Variants in NPAS3 observed in about 807,000 individuals in gnomAD.
The protein encoded by NPAS3 is neuronal PAS domain protein 3, also known as neuronal PAS domain-containing protein 3.
NPAS3 carries 14 observed loss-of-function variants against 73.1 expected under a neutral mutation model. That is an observed-to-expected ratio of 0.19 (90% CI 0.13 to 0.30). The LOEUF is 0.30. NPAS3 is among the 10% of genes least tolerant of loss of function. NPAS3 has a pLI of 1.00. For missense variants in NPAS3, 1,096 were observed against 1,250.0 expected (o/e 0.88, Z 1.86); for synonymous variants, 620 against 541.5 (o/e 1.14, Z -2.01).
At chr14:33,700,431 T>C (rs2060496297) in intron 6 of NPAS3, among the ~76,000 whole-genome samples, 1 of 152,228 alleles carries the variant, frequency 6.6e-6, no homozygotes, top group Admixed American at 6.5e-5. Context: ...GTTCTGTCAG[T>C]TATTAAACAA....
intron 5 of NPAS3, among the ~76,000 whole-genome samples, chr14:33,563,537 C>CACACACACACACACACAGAGAG: frequency 2.4e-4 from 29 of 119,680 alleles, no homozygotes; most frequent in African/African-American, 8.2e-4. Flanking sequence ...CACACACACA[C>CACACACACACACACACAGAGAG]AGAGAGAGAG....
chr14:33,619,595 A>T (rs1444943353), intron 5 of NPAS3, among the ~76,000 whole-genome samples: 1 of 152,228 alleles, frequency 6.6e-6, no homozygotes, highest in Non-Finnish European at 1.5e-5. Context: ...CTGTGTGTAT[A>T]CGTGCACACA....
At chr14:33,493,678 T>G (rs2052020723) in intron 4 of NPAS3, among the ~76,000 whole-genome samples, 1 of 152,132 alleles carries the variant, frequency 6.6e-6, no homozygotes, top group South Asian at 2.1e-4. Context: ...TGCTTCCCTG[T>G]GACTAAAAAC....
chr14:33,292,156 C>A (rs920274742), intron 3 of NPAS3, among the ~76,000 whole-genome samples: 1 of 152,154 alleles, frequency 6.6e-6, no homozygotes, highest in African/African-American at 2.4e-5. Flanking sequence ...AACTTACATT[C>A]CAGGGTGTTT....
At position 33,359,375 on chromosome 14, in the gene NPAS3, T is replaced by C. The variant is rs142116171; in HGVS notation, c.386-7811T>C. ...TGTTACAAATGTCATAACACGAAGCTTTGGGATCAGACTGAAAACTAAAAA... is the reference window on the plus strand; with the variant it reads ...TGTTACAAATGTCATAACACGAAGCCTTGGGATCAGACTGAAAACTAAAAA... On this transcript the variant is annotated intron_variant, in intron 3 of 11. Coordinates refer to ENST00000356141, the Ensembl canonical transcript of NPAS3. Among the ~76,000 whole-genome samples the C allele has an allele frequency of 2.4e-4, 36 of 152,298 alleles. 3 individuals carry two copies. In the East Asian group the frequency reaches 7.0e-3, roughly 29 times the overall value.
chr14:33,187,250 C>T (rs370043117), intron 2 of NPAS3, among the ~76,000 whole-genome samples: 4 of 152,284 alleles, frequency 2.6e-5, no homozygotes, highest in African/African-American at 9.6e-5. Context: ...TGCTTTCTGA[C>T]TTTCTCCATT....
chr14:33,147,754 T>TATATATATATAC (rs368950295), intron 2 of NPAS3, among the ~76,000 whole-genome samples: 63 of 142,426 alleles, frequency 4.4e-4, no homozygotes, highest in African/African-American at 1.7e-3. Context: ...TATATATATA[T>TATATATATATAC]ACACACAAAA....
chr14:32,990,049 G>T (rs932182431), intron 1 of NPAS3, among the ~76,000 whole-genome samples: 4 of 152,138 alleles, frequency 2.6e-5, no homozygotes, highest in African/African-American at 4.8e-5. Flanking sequence ...GCAAAGGTTG[G>T]GTTCTACTCA....
intron 3 of NPAS3, among the ~76,000 whole-genome samples, chr14:33,260,703 C>T (rs1037464230): frequency 6.6e-6 from 1 of 152,124 alleles, no homozygotes; most frequent in African/African-American, 2.4e-5. Flanking sequence ...TTCCTCATTT[C>T]CTGTCTGTAC....
At chr14:33,095,370 G>A (rs945271640) in intron 2 of NPAS3, among the ~76,000 whole-genome samples, 4 of 152,172 alleles carry the variant, frequency 2.6e-5, no homozygotes, top group Admixed American at 6.5e-5. Flanking sequence ...CAAAGACAAA[G>A]TTTGTATGAT....
chr14:33,750,254 A>G (rs1234577752), intron 7 of NPAS3, among the ~76,000 whole-genome samples: 2 of 150,438 alleles, frequency 1.3e-5, no homozygotes, highest in Non-Finnish European at 3.0e-5. Context: ...GTACTCTGTC[A>G]TTCTAATAAT....
At chr14:33,033,286 CT>C (rs2040057648) in intron 1 of NPAS3, among the ~76,000 whole-genome samples, 1 of 152,192 alleles carries the variant, frequency 6.6e-6, no homozygotes, top group Non-Finnish European at 1.5e-5. Flanking sequence ...CGAGAACAGC[CT>C]GGCCAACATG....
At chr14:33,286,627 A>G (rs577137680) in intron 3 of NPAS3, among the ~76,000 whole-genome samples, 73 of 152,026 alleles carry the variant, frequency 4.8e-4, no homozygotes, top group Non-Finnish European at 8.5e-4. Context: ...TCTTGCTATT[A>G]TAAGTGATGA....
chr14:33,799,949 G>A (rs1377000575), exon 12 of NPAS3: 3 of 1,614,048 alleles, frequency 1.9e-6, no homozygotes, highest in Admixed American at 1.7e-5. Flanking sequence ...GGACGGCTTC[G>A]GTGCTCTGGG....
chr14:33,233,085 C>T (rs1416299641), intron 3 of NPAS3, among the ~76,000 whole-genome samples: 1 of 152,128 alleles, frequency 6.6e-6, no homozygotes, highest in Non-Finnish European at 1.5e-5. Flanking sequence ...CAAATGTTAT[C>T]AAATGATGAC....
intron 3 of NPAS3, among the ~76,000 whole-genome samples, chr14:33,352,830 T>G (rs965827056): frequency 1.3e-5 from 2 of 152,220 alleles, no homozygotes; most frequent in Non-Finnish European, 2.9e-5. Context: ...AAAGCTTACT[T>G]CATCTCAATT....
At chr14:33,782,309 A>G (rs2063001530) in intron 9 of NPAS3, among the ~76,000 whole-genome samples, 1 of 151,980 alleles carries the variant, frequency 6.6e-6, no homozygotes, top group Non-Finnish European at 1.5e-5. Flanking sequence ...ACAGTTACAC[A>G]CTCCAGTTAC....
chr14:33,411,536 A>G (rs1224673110), intron 4 of NPAS3, among the ~76,000 whole-genome samples: 1 of 152,190 alleles, frequency 6.6e-6, no homozygotes. Context: ...TCTAGGGGAT[A>G]GAAGCCAGGG....
chr14:33,090,999 C>G (rs144938496), intron 2 of NPAS3, among the ~76,000 whole-genome samples: 8 of 152,056 alleles, frequency 5.3e-5, no homozygotes, highest in African/African-American at 1.4e-4. Flanking sequence ...TGTGTGTCGA[C>G]GGAAATTTAT....
Sources: allele counts gnomAD v4.1 joint callset (sites outside exome capture counted in the v4.1 genomes callset), GRCh38; gene constraint gnomAD v4.1.1; transcripts MANE v1.5; gene names NCBI Gene and HGNC (gene_info 2026-07-23, HGNC 2026-07-21).